Variants in BRWD1 observed in about 807,000 individuals in gnomAD.
BRWD1 encodes the protein bromodomain and WD repeat-containing protein 1.
A neutral mutation model predicts 251.2 loss-of-function variants in BRWD1; 82 were observed. The ratio of observed to expected loss-of-function variants is 0.33; its 90% confidence interval spans 0.27 to 0.39. BRWD1 has a LOEUF of 0.39. Among genes scored for constraint, BRWD1 ranks in the 10% least tolerant of loss-of-function variants. BRWD1 has a pLI of 1.00. For missense variants in BRWD1, 2,233 were observed against 2,711.6 expected (o/e 0.82, Z 3.92); for synonymous variants, 918 against 902.8 (o/e 1.02, Z -0.30).
intron 10 of BRWD1, among the ~76,000 whole-genome samples, chr21:39,277,591 T>A (rs940242825): frequency 6.6e-6 from 1 of 152,136 alleles, no homozygotes; most frequent in Non-Finnish European, 1.5e-5. Flanking sequence ...TGAGACAGAA[T>A]CTCACTCTGT....
Position 39,187,067 on chromosome 21 carries a change from A to T in BRWD1, c.*9192T>A. On this transcript the variant is annotated 3_prime_UTR_variant, in exon 41 of 41. Coordinates refer to ENST00000342449, the MANE Select transcript of BRWD1 (RefSeq NM_033656.4). ...TTCCAGGATCTGAACCCCCTTAAAA[A>T]AAGCATTTTTCTATTAATATCTTCT... 6.3e-7 allele frequency: 1 copy of T among 1,590,958 alleles called. No homozygotes were observed. The highest frequency in any genetic ancestry group is 8.5e-7 in the Non-Finnish European group (1 of 1,173,428).
At chr21:39,310,601 C>CT (rs1212190977) in intron 4 of BRWD1, among the ~76,000 whole-genome samples, 1 of 123,224 alleles carries the variant, frequency 8.1e-6, no homozygotes, top group African/African-American at 3.2e-5. Flanking sequence ...AACAGACTGT[C>CT]TCAAAAAAAA....
Position 39,188,020 on chromosome 21 carries a change from C to T in BRWD1, c.*8239G>A, listed in dbSNP as rs1395181533. On this transcript the variant is annotated 3_prime_UTR_variant, in exon 41 of 41. Coordinates refer to ENST00000342449, the MANE Select transcript of BRWD1 (RefSeq NM_033656.4). ...AGACTAAGGCAGTTTTTAGAGGGGG[C>T]TTGAAATCACACTGGAGCTCTACAC... 28 of 979,414 alleles carry T rather than the reference C, an allele frequency of 2.9e-5. No individual in the cohort carries two copies. The highest frequency in any genetic ancestry group is 1.8e-5 in the African/African-American group (1 of 55,232). The allele number at this position is 979,414 out of a possible 1,614,324, so 60.7% of individuals were successfully genotyped here. A position where few individuals can be genotyped will look rare whatever the true frequency, so the allele number is the denominator to read the frequency against.
At position 39,188,081 on chromosome 21, in the gene BRWD1, C is replaced by T. The variant is rs2031346511; in HGVS notation, c.*8178G>A. 1.0e-6 allele frequency: 1 copy of T among 985,278 alleles called. No homozygotes were observed. The highest frequency in any genetic ancestry group is 1.2e-6 in the Non-Finnish European group (1 of 829,922). The allele number at this position is 985,278 out of a possible 1,614,324, so 61.0% of individuals were successfully genotyped here. A position where few individuals can be genotyped will look rare whatever the true frequency, so the allele number is the denominator to read the frequency against. On this transcript the variant is annotated 3_prime_UTR_variant, in exon 41 of 41. Transcript: ENST00000342449. Reference sequence around the variant, plus strand: ...TGCCAGAGCTACTACTCCGTGCTGACCAAACTTAGGAGGGCTCAGATATGT... The same window carrying T: ...TGCCAGAGCTACTACTCCGTGCTGATCAAACTTAGGAGGGCTCAGATATGT...
intron 8 of BRWD1, among the ~76,000 whole-genome samples, chr21:39,280,567 T>C (rs140915948): frequency 3.8e-4 from 58 of 152,118 alleles, no homozygotes; most frequent in African/African-American, 1.4e-3. Context: ...CAGGGTACAC[T>C]GATAGAATGA....
chr21:39,238,496 A>G lies in BRWD1; in HGVS notation c.2559T>C (p.Ser853=). 1 of 1,613,098 alleles carries G rather than the reference A, an allele frequency of 6.2e-7. No homozygotes were observed. Among genetic ancestry groups the G allele is most frequent in the Non-Finnish European group, 8.5e-7 (1 of 1,179,242 alleles). The change falls in exon 22 of 41, where the codon AGT becomes AGC. Residue 853 remains serine, a synonymous_variant. Coordinates refer to ENST00000342449, the MANE Select transcript of BRWD1 (RefSeq NM_033656.4). ...DEWRSDRKSE[S]YSESSSDSSS... ...ACAGATACCTTGAACTTTCGCTGTA[A>G]CTCTCACTTTTTCTGTCACTTCTCC... is the stretch of plus-strand genomic sequence containing the variant.
At chr21:39,225,410 C>T (rs547617648) in intron 27 of BRWD1, among the ~76,000 whole-genome samples, 5 of 152,264 alleles carry the variant, frequency 3.3e-5, no homozygotes, top group Non-Finnish European at 7.4e-5. Context: ...ACAACTCTAA[C>T]ACTTCAACCA....
At chr21:39,228,718 A>C (rs894882024) in intron 26 of BRWD1, 136 bp from the exon 27 acceptor site, 4 of 560,934 alleles carry the variant, frequency 7.1e-6, no homozygotes, top group Non-Finnish European at 9.7e-6. Context: ...TAAAAGGTAA[A>C]ACAGTAAACT....
chr21:39,320,273 A>G (rs552808966), intron 1 of BRWD1, among the ~76,000 whole-genome samples: 1 of 152,278 alleles, frequency 6.6e-6, no homozygotes, highest in South Asian at 2.1e-4. Context: ...CTCTCTTTGC[A>G]CATAGAGACC....
intron 4 of BRWD1, among the ~76,000 whole-genome samples, chr21:39,305,617 C>T (rs1018161590): frequency 6.6e-6 from 1 of 152,088 alleles, no homozygotes; most frequent in African/African-American, 2.4e-5. Context: ...GTAATTCCAG[C>T]ACTTTGGGAG....
chr21:39,272,270 C>T (rs2035136994), intron 13 of BRWD1, among the ~76,000 whole-genome samples: 1 of 148,780 alleles, frequency 6.7e-6, no homozygotes. Context: ...ATGTAACTAA[C>T]CTGCACATTG....
At position 39,312,777 on chromosome 21, in the gene BRWD1, G is replaced by C; in HGVS notation, c.198+64C>G. The C allele has an allele frequency of 2.8e-6, 4 of 1,405,608 alleles. No individual in the cohort carries two copies. In the East Asian group the frequency reaches 7.8e-5, roughly 28 times the overall value. 87.1% of individuals were successfully genotyped at this position (1,405,608 alleles called of 1,614,324 possible). On this transcript the variant is annotated intron_variant, in intron 4 of 40. Transcript: ENST00000342449. ...CCCACGGGCCGGGGTCCCCGCGAGG[G>C]GAAGGGGCGGGGGCGGGGGGCGGTG...
chr21:39,244,925 T>A (rs1002087526), intron 21 of BRWD1, among the ~76,000 whole-genome samples: 4 of 47,160 alleles, frequency 8.5e-5, no homozygotes, highest in Non-Finnish European at 2.1e-4. Flanking sequence ...GGAAGAAATA[T>A]ATATATATAT....
At chr21:39,220,057 G>A (rs755244893) in intron 29 of BRWD1, among the ~76,000 whole-genome samples, 77 of 152,036 alleles carry the variant, frequency 5.1e-4, no homozygotes, top group Non-Finnish European at 8.1e-4. Flanking sequence ...TATCAAAGCC[G>A]GGATCTAAGT....
intron 10 of BRWD1, 52 bp from the exon 11 acceptor site, chr21:39,277,403 ACAAAT>A: frequency 9.0e-7 from 1 of 1,106,410 alleles, no homozygotes; most frequent in Non-Finnish European, 1.3e-6. Flanking sequence ...AAATACCTGA[ACAAAT>A]CAAATTTCCA....
Position 39,226,009 on chromosome 21 carries a change from A to G in BRWD1, c.3209-812T>C, listed in dbSNP as rs1157814665. ...TATTGTCATAAAATCAGCTGCCTCA[A>G]TTTTGAGAGGCCAAACATAAAAACA... is the stretch of plus-strand genomic sequence containing the variant. On this transcript the variant is annotated intron_variant, in intron 27 of 40. Transcript: ENST00000342449. Among the ~76,000 whole-genome samples the G allele has an allele frequency of 8.5e-5, 13 of 152,278 alleles. No individual in the cohort carries two copies. The East Asian group carries it at 2.3e-3, about 27-fold the overall frequency.
At chr21:39,268,205 C>T (rs2034986560) in intron 15 of BRWD1, among the ~76,000 whole-genome samples, 1 of 151,946 alleles carries the variant, frequency 6.6e-6, no homozygotes, top group South Asian at 2.1e-4. Flanking sequence ...ATTGGGAGGC[C>T]GAGGCGGGTG....
chr21:39,238,588 G>A lies in BRWD1; in HGVS notation c.2482-15C>T, dbSNP rs754747190. On this transcript the variant is annotated splice_polypyrimidine_tract_variant and intron_variant, in intron 21 of 40. Coordinates refer to ENST00000342449, the MANE Select transcript of BRWD1 (RefSeq NM_033656.4). The stretch of plus-strand genomic sequence containing the variant: ...CAGGAAGTCTCCTAATTTGTGAAGG[G>A]GGGAAAAAAATCTTGATCCCTGAAG... 6 of 1,587,208 alleles carry A rather than the reference G, an allele frequency of 3.8e-6. No homozygotes were observed. In the Middle Eastern group the frequency reaches 8.3e-4, roughly 221 times the overall value.
At chr21:39,209,483 T>G (rs2032562949) in intron 36 of BRWD1, among the ~76,000 whole-genome samples, 1 of 151,900 alleles carries the variant, frequency 6.6e-6, no homozygotes, top group South Asian at 2.1e-4. Context: ...TAATATTAGC[T>G]TCTAACACAT....
Sources: gnomAD v4.1 joint callset for allele counts (sites outside exome capture counted in the v4.1 genomes callset) on GRCh38, gnomAD v4.1.1 for gene constraint, MANE v1.5 for transcripts, NCBI Gene and HGNC (gene_info 2026-07-23, HGNC 2026-07-21) for gene names.